Variants in NRXN3 observed in about 807,000 individuals in gnomAD.
NRXN3 encodes neurexin 3.
In NRXN3, 32 loss-of-function variants were observed where a neutral mutation model predicts 137.6. That is an observed-to-expected ratio of 0.23 (90% CI 0.18 to 0.31). NRXN3 has a LOEUF of 0.31. Among genes scored for constraint, NRXN3 ranks in the 10% least tolerant of loss-of-function variants. NRXN3 has a pLI of 1.00. For synonymous variants in NRXN3, 798 were observed against 784.5 expected, an observed-to-expected ratio of 1.02 and a Z score of -0.29; for missense variants, 1,574 against 2,062.5, an observed-to-expected ratio of 0.76 and a Z score of 4.59.
At chr14:79,752,429 C>G (rs909034462) in intron 19 of NRXN3, among the ~76,000 whole-genome samples, 2 of 152,148 alleles carry the variant, frequency 1.3e-5, no homozygotes, top group African/African-American at 4.8e-5. Flanking sequence ...CTACAACTAT[C>G]TGATCTTTGA....
intron 15 of NRXN3, among the ~76,000 whole-genome samples, chr14:79,367,001 G>A (rs1358420942): frequency 2.6e-4 from 6 of 23,242 alleles, no homozygotes; most frequent in Admixed American, 1.6e-3. Context: ...TTTTTTTTTT[G>A]GAGATGGAGT....
intron 19 of NRXN3, among the ~76,000 whole-genome samples, chr14:79,775,191 AT>A (rs1168997801): frequency 6.6e-6 from 1 of 152,160 alleles, no homozygotes; most frequent in Non-Finnish European, 1.5e-5. Context: ...TGGCTTTTAT[AT>A]ACGAATGTGC....
chr14:78,347,248 C>T (rs893947249), intron 4 of NRXN3, among the ~76,000 whole-genome samples: 2 of 152,148 alleles, frequency 1.3e-5, no homozygotes, highest in African/African-American at 4.8e-5. Flanking sequence ...TTTAAAACAG[C>T]AAAGGAGGAA....
intron 16 of NRXN3, among the ~76,000 whole-genome samples, chr14:79,577,175 C>T (rs1045213627): frequency 1.3e-5 from 2 of 152,174 alleles, no homozygotes; most frequent in African/African-American, 2.4e-5. Context: ...GATAGTGAGG[C>T]CTCCCAAGCC....
intron 16 of NRXN3, among the ~76,000 whole-genome samples, chr14:79,529,212 T>C (rs1306381421): frequency 1.3e-5 from 2 of 152,080 alleles, no homozygotes; most frequent in African/African-American, 4.8e-5. Context: ...AGGGTGGTGA[T>C]TGATTTGAGC....
chr14:79,081,629 A>G (rs1196226612), intron 15 of NRXN3, among the ~76,000 whole-genome samples: 2 of 151,990 alleles, frequency 1.3e-5, no homozygotes, highest in Admixed American at 6.6e-5. Flanking sequence ...AAAAAAAAAA[A>G]AAAAATGATA....
intron 19 of NRXN3, among the ~76,000 whole-genome samples, chr14:79,751,290 C>T (rs2098996686): frequency 6.6e-6 from 1 of 152,112 alleles, no homozygotes; most frequent in African/African-American, 2.4e-5. Context: ...CCTTCACATC[C>T]CTTGTAAGTT....
At chr14:78,572,926 A>G (rs1292532063) in intron 4 of NRXN3, among the ~76,000 whole-genome samples, 1 of 152,142 alleles carries the variant, frequency 6.6e-6, no homozygotes, top group Non-Finnish European at 1.5e-5. Context: ...TCCCTACCCA[A>G]ATCTCACCTT....
At chr14:78,741,151 GAA>G (rs1218057200) in intron 8 of NRXN3, among the ~76,000 whole-genome samples, 10 of 152,180 alleles carry the variant, frequency 6.6e-5, no homozygotes, top group Admixed American at 1.3e-4. Context: ...AGGTTTCATG[GAA>G]AGAGGAGAAG....
At chr14:79,066,365 A>C (rs2099680768) in intron 15 of NRXN3, among the ~76,000 whole-genome samples, 1 of 152,178 alleles carries the variant, frequency 6.6e-6, no homozygotes, top group Non-Finnish European at 1.5e-5. Context: ...TTCTTATACC[A>C]GTACCATGCT....
chr14:78,589,930 C>T (rs2097101476), intron 4 of NRXN3, among the ~76,000 whole-genome samples: 1 of 152,176 alleles, frequency 6.6e-6, no homozygotes, highest in African/African-American at 2.4e-5. Context: ...GCACTCCAGC[C>T]TGGGCGACAA....
At chr14:78,642,535 A>G (rs1323548429) in intron 4 of NRXN3, among the ~76,000 whole-genome samples, 2 of 152,212 alleles carry the variant, frequency 1.3e-5, no homozygotes, top group African/African-American at 2.4e-5. Flanking sequence ...GTGGGCACAC[A>G]AGGTATAACT....
At chr14:78,931,439 A>T (rs1379263564) in intron 10 of NRXN3, among the ~76,000 whole-genome samples, 2 of 152,184 alleles carry the variant, frequency 1.3e-5, no homozygotes, top group Non-Finnish European at 2.9e-5. Context: ...TCCATGCGAT[A>T]ATGATAGGAC....
intron 4 of NRXN3, among the ~76,000 whole-genome samples, chr14:78,449,613 C>A (rs574762416): frequency 3.3e-5 from 5 of 152,176 alleles, no homozygotes; most frequent in Non-Finnish European, 7.3e-5. Context: ...GTTTATATCA[C>A]GCACCATTTA....
chr14:79,835,275 G>A (rs1455679345), intron 20 of NRXN3, among the ~76,000 whole-genome samples: 1 of 152,086 alleles, frequency 6.6e-6, no homozygotes, highest in African/African-American at 2.4e-5. Flanking sequence ...AAAACATTAT[G>A]TTGCACATGA....
At chr14:78,561,323 G>C (rs946747836) in intron 4 of NRXN3, among the ~76,000 whole-genome samples, 4 of 152,160 alleles carry the variant, frequency 2.6e-5, no homozygotes, top group African/African-American at 9.7e-5. Context: ...AGAGAAAAGA[G>C]GACTGGAAAT....
At chr14:78,686,797 A>G (rs556382130) in intron 6 of NRXN3, among the ~76,000 whole-genome samples, 26 of 152,306 alleles carry the variant, frequency 1.7e-4, no homozygotes, top group African/African-American at 2.4e-4. Flanking sequence ...AAGTAGAAAT[A>G]TAGGGAAGGT....
chr14:78,198,437 G>A lies in NRXN3; in HGVS notation c.-704+27763G>A, dbSNP rs1399628181. Reference sequence around the variant, plus strand: ...CTCAGGAGTTTAGAGTTGGAAAATTGAGCTGCTAGTGGGGATTCTTAAGCT... The same window carrying A: ...CTCAGGAGTTTAGAGTTGGAAAATTAAGCTGCTAGTGGGGATTCTTAAGCT... On this transcript the variant is annotated intron_variant, in intron 1 of 20. Transcript: ENST00000335750. Among the ~76,000 whole-genome samples, 3 of 152,218 alleles carry A rather than the reference G, an allele frequency of 2.0e-5. No homozygotes were observed. In the East Asian group the frequency reaches 5.8e-4, roughly 29 times the overall value.
At chr14:79,726,133 G>C (rs1022606774) in intron 19 of NRXN3, among the ~76,000 whole-genome samples, 2 of 152,064 alleles carry the variant, frequency 1.3e-5, no homozygotes, top group African/African-American at 4.8e-5. Flanking sequence ...AGAGACTTAG[G>C]CTAATTTTTT....
Sources: allele counts gnomAD v4.1 joint callset (sites outside exome capture counted in the v4.1 genomes callset), GRCh38; gene constraint gnomAD v4.1.1; transcripts MANE v1.5; gene names NCBI Gene and HGNC (gene_info 2026-07-23, HGNC 2026-07-21).